TIPIN: variants seen among roughly 807,000 people sequenced by gnomAD.
TIPIN encodes the protein TIMELESS interacting protein, also known as TIMELESS-interacting protein.
TIPIN carries 29 observed loss-of-function variants against 35.6 expected under a neutral mutation model. That is an observed-to-expected ratio of 0.82 (90% CI 0.61 to 1.11). The LOEUF (loss-of-function observed/expected upper bound fraction) is 1.11. TIPIN is among the 50% of genes most tolerant of loss of function. TIPIN has a pLI of 0.00. For synonymous variants in TIPIN, 102 were observed against 121.5 expected (o/e 0.84, Z 1.06); for missense variants, 296 against 345.4 (o/e 0.86, Z 1.13).
intron 1 of TIPIN, among the ~76,000 whole-genome samples, chr15:66,364,454 G>A (rs2140482215): frequency 6.6e-6 from 1 of 152,108 alleles, no homozygotes; most frequent in East Asian, 1.9e-4. Flanking sequence ...ATAAGCCCAT[G>A]CCCAGCCAAG....
chr15:66,378,163 C>T (rs774648626), intron 1 of TIPIN, among the ~76,000 whole-genome samples: 6 of 152,222 alleles, frequency 3.9e-5, no homozygotes, highest in Middle Eastern at 3.4e-3. Flanking sequence ...CAACCATGTC[C>T]GGCTAATTTT....
At chr15:66,346,831 G>T (rs112683141) in intron 6 of TIPIN, among the ~76,000 whole-genome samples, 1 of 150,750 alleles carries the variant, frequency 6.6e-6, no homozygotes, top group African/African-American at 2.4e-5. Flanking sequence ...TCTTGCTGTC[G>T]CCCAGGCTGG....
At chr15:66,379,990 CTTT>C (rs1345022336) in intron 1 of TIPIN, 2 of 341,838 alleles carry the variant, frequency 5.9e-6, no homozygotes, top group African/African-American at 4.7e-5. Flanking sequence ...CATTTCTTTT[CTTT>C]CTTTCTTTCT....
At chr15:66,340,311 G>T (rs2093077139) in intron 7 of TIPIN, among the ~76,000 whole-genome samples, 2 of 149,572 alleles carry the variant, frequency 1.3e-5, no homozygotes, top group African/African-American at 2.5e-5. Context: ...CCAAGTGGCT[G>T]GGATTACAGG....
intron 2 of TIPIN, among the ~76,000 whole-genome samples, 195 bp downstream of exon 2, chr15:66,352,620 C>A (rs780958667): frequency 6.6e-5 from 10 of 151,576 alleles, no homozygotes; most frequent in Non-Finnish European, 1.3e-4. Flanking sequence ...CCTCAAATAC[C>A]TTTTACCACA....
chr15:66,365,940 CA>C (rs2093252247), intron 1 of TIPIN, among the ~76,000 whole-genome samples: 1 of 152,030 alleles, frequency 6.6e-6, no homozygotes, highest in Admixed American at 6.6e-5. Flanking sequence ...GCACAAGATC[CA>C]AAAACCCTCT....
intron 1 of TIPIN, among the ~76,000 whole-genome samples, chr15:66,368,959 A>G (rs2093267930): frequency 6.6e-6 from 1 of 152,190 alleles, no homozygotes; most frequent in Non-Finnish European, 1.5e-5. Flanking sequence ...CTTGGAGGAC[A>G]TCACTGAACT....
intron 1 of TIPIN, among the ~76,000 whole-genome samples, chr15:66,378,424 C>T (rs1024517974): frequency 4.6e-5 from 7 of 152,132 alleles, no homozygotes; most frequent in African/African-American, 1.7e-4. Context: ...TGTGAGCCAC[C>T]GCGCCCAGCC....
At position 66,352,860 on chromosome 15, in the gene TIPIN, C is replaced by G. The variant is rs757031264; in HGVS notation, c.88G>C (p.Ala30Pro). The change falls in exon 2 of 8, where the codon GCC becomes CCC. Residue 30 changes from alanine to proline, a missense_variant. By Grantham distance (27) the Ala-to-Pro change is conservative. Transcript: ENST00000261881. ...DETFPPFPPPASPERQDGEGT... is the reference protein window; with the variant it reads ...DETFPPFPPPPSPERQDGEGT... ...TCACCATCTTGTCTCTCTGGAGAGG[C>G]TGGAGGTGGGAAAGGAGGAAAAGTT... is the stretch of plus-strand genomic sequence containing the variant. The G allele has an allele frequency of 2.0e-5, 32 of 1,613,636 alleles. No homozygotes were observed. The highest frequency in any genetic ancestry group is 4.0e-5 in the African/African-American group (3 of 74,902).
intron 7 of TIPIN, among the ~76,000 whole-genome samples, chr15:66,340,171 CTTTTTTT>C (rs1213707475): frequency 1.4e-5 from 1 of 69,568 alleles, no homozygotes; most frequent in East Asian, 4.4e-4. Context: ...TGCGCCTGGC[CTTTTTTT>C]TTTTTTTTTT....
At chr15:66,375,077 T>C (rs915465745) in intron 1 of TIPIN, among the ~76,000 whole-genome samples, 1 of 152,136 alleles carries the variant, frequency 6.6e-6, no homozygotes, top group African/African-American at 2.4e-5. Flanking sequence ...GTAGGGGTTC[T>C]TCATATATTC....
chr15:66,372,834 C>T (rs578150207), intron 1 of TIPIN, among the ~76,000 whole-genome samples: 3 of 151,648 alleles, frequency 2.0e-5, no homozygotes, highest in East Asian at 1.9e-4. Context: ...ACCTGAGAGG[C>T]GGAGGTTGCA....
chr15:66,381,917 T>C (rs1196554928), intron 1 of TIPIN, among the ~76,000 whole-genome samples: 1 of 152,052 alleles, frequency 6.6e-6, no homozygotes, highest in Non-Finnish European at 1.5e-5. Flanking sequence ...TACAAAAAAT[T>C]AGCTGAGCAT....
At chr15:66,386,464 A>ATTTT (rs2093339170) in intron 1 of TIPIN, 1 of 152,506 alleles carries the variant, frequency 6.6e-6, no homozygotes, top group African/African-American at 2.4e-5. Context: ...TTGGGCTCAA[A>ATTTT]GGAGCCTCTC....
chr15:66,380,547 G>A (rs565316315), intron 1 of TIPIN, among the ~76,000 whole-genome samples: 1 of 152,090 alleles, frequency 6.6e-6, no homozygotes, highest in Non-Finnish European at 1.5e-5. Context: ...AGGCGCGGTG[G>A]CTCATGCCTG....
chr15:66,349,946 T>G (rs755260138), intron 4 of TIPIN, among the ~76,000 whole-genome samples: 18 of 96,910 alleles, frequency 1.9e-4, no homozygotes, highest in East Asian at 5.0e-4. Context: ...GATACAGGGG[T>G]TTTTTTTGTT....
chr15:66,357,942 C>T (rs1357236353), upstream of TIPIN, among the ~76,000 whole-genome samples: 4 of 150,614 alleles, frequency 2.7e-5, no homozygotes, highest in Non-Finnish European at 4.4e-5. Context: ...GGCGACGGAG[C>T]AAGACTCTGT....
chr15:66,352,030 A>T, intron 3 of TIPIN, 99 bp downstream of exon 3: 1 of 968,686 alleles, frequency 1.0e-6, no homozygotes, highest in Non-Finnish European at 1.5e-6. Context: ...GAAATATAAG[A>T]GCTCCACATC....
At chr15:66,381,083 G>C (rs1192198305) in intron 1 of TIPIN, among the ~76,000 whole-genome samples, 3 of 152,086 alleles carry the variant, frequency 2.0e-5, no homozygotes, top group Admixed American at 1.3e-4. Flanking sequence ...TGGAATTACT[G>C]AATCAAAGTG....
Sources: allele counts gnomAD v4.1 joint callset (sites outside exome capture counted in the v4.1 genomes callset), GRCh38; gene constraint gnomAD v4.1.1; transcripts MANE v1.5; gene names NCBI Gene and HGNC (gene_info 2026-07-23, HGNC 2026-07-21).